The following DLEU7 variants were observed in gnomAD, a reference collection of about 807,000 sequenced individuals.
DLEU7 encodes leukemia-associated protein 7.
In DLEU7, 17 loss-of-function variants were observed where a neutral mutation model predicts 16.0. The observed-to-expected ratio is 1.06, with a 90% CI of 0.73 to 1.59. The LOEUF (loss-of-function observed/expected upper bound fraction) is 1.59, where lower values mean the gene tolerates loss of function less well. Ranked by LOEUF, DLEU7 falls within the 40% of genes most tolerant of loss-of-function variation. DLEU7 has a pLI of 0.00. For synonymous variants in DLEU7, 113 were observed against 139.8 expected (o/e 0.81, Z 1.35); for missense variants, 308 against 314.9 (o/e 0.98, Z 0.17).
chr13:50,785,203 G>A (rs1289991679), intron 1 of DLEU7, among the ~76,000 whole-genome samples: 1 of 152,120 alleles, frequency 6.6e-6, no homozygotes, highest in Non-Finnish European at 1.5e-5. Flanking sequence ...GGGCACCTGG[G>A]GTTGGGACAA....
At chr13:50,770,727 A>G (rs1875277391) in intron 1 of DLEU7, among the ~76,000 whole-genome samples, 1 of 152,100 alleles carries the variant, frequency 6.6e-6, no homozygotes, top group Admixed American at 6.5e-5. Flanking sequence ...ATTGGTCTAA[A>G]ATTCTCTTTT....
At chr13:50,759,252 C>G (rs1312691715) in intron 1 of DLEU7, among the ~76,000 whole-genome samples, 15 of 152,150 alleles carry the variant, frequency 9.9e-5, no homozygotes, top group Admixed American at 9.8e-4. Flanking sequence ...AAGAAACAAA[C>G]ACAAAAATAT....
intron 1 of DLEU7, among the ~76,000 whole-genome samples, chr13:50,728,217 GA>G (rs1873820164): frequency 6.6e-6 from 1 of 152,146 alleles, no homozygotes; most frequent in South Asian, 2.1e-4. Flanking sequence ...TCGGGGGTGG[GA>G]ATGGGTGTCT....
chr13:50,750,194 C>A (rs920547351), intron 1 of DLEU7, among the ~76,000 whole-genome samples: 3 of 152,126 alleles, frequency 2.0e-5, no homozygotes, highest in Non-Finnish European at 1.5e-5. Context: ...AAAAGAGTAT[C>A]TTTTCCCCAT....
At chr13:50,764,391 T>G (rs1875036653) in intron 1 of DLEU7, among the ~76,000 whole-genome samples, 1 of 152,248 alleles carries the variant, frequency 6.6e-6, no homozygotes, top group African/African-American at 2.4e-5. Context: ...TGAACTGGTC[T>G]GAAGTTTTGT....
chr13:50,753,778 C>A (rs1232106969), intron 1 of DLEU7, among the ~76,000 whole-genome samples: 1 of 152,240 alleles, frequency 6.6e-6, no homozygotes, highest in Non-Finnish European at 1.5e-5. Context: ...GGCTGAAAGG[C>A]TCCTCAAGTG....
intron 1 of DLEU7, among the ~76,000 whole-genome samples, chr13:50,812,372 G>A (rs1466545556): frequency 3.3e-5 from 5 of 152,124 alleles, no homozygotes; most frequent in Non-Finnish European, 5.9e-5. Context: ...TTTCGGGTTT[G>A]ACTGACATTC....
intron 1 of DLEU7, among the ~76,000 whole-genome samples, chr13:50,758,563 G>A (rs1269080677): frequency 6.6e-6 from 1 of 152,188 alleles, no homozygotes; most frequent in Non-Finnish European, 1.5e-5. Flanking sequence ...CTTAGGGCTG[G>A]GGCTGTGGGG....
chr13:50,713,092 G>A, exon 2 of DLEU7: 2 of 1,136,650 alleles, frequency 1.8e-6, no homozygotes, highest in East Asian at 2.6e-5. Context: ...GGCAATGGAG[G>A]CCAACAACGT....
At chr13:50,795,865 C>T in intron 1 of DLEU7, among the ~76,000 whole-genome samples, 1 of 152,010 alleles carries the variant, frequency 6.6e-6, no homozygotes, top group South Asian at 2.1e-4. Context: ...TTTTTCTATC[C>T]TTGTGGTTTA....
intron 1 of DLEU7, among the ~76,000 whole-genome samples, chr13:50,769,308 T>G (rs540855154): frequency 2.0e-5 from 3 of 152,302 alleles, no homozygotes; most frequent in African/African-American, 7.2e-5. Context: ...CCTATTTGTC[T>G]ATTTTAGCTT....
At chr13:50,765,876 G>A (rs1473473456) in intron 1 of DLEU7, among the ~76,000 whole-genome samples, 4 of 152,186 alleles carry the variant, frequency 2.6e-5, no homozygotes, top group Admixed American at 6.5e-5. Flanking sequence ...CTTGCATTGC[G>A]TGGATTATTT....
At chr13:50,770,439 A>G (rs1175818019) in intron 1 of DLEU7, among the ~76,000 whole-genome samples, 1 of 152,192 alleles carries the variant, frequency 6.6e-6, no homozygotes, top group East Asian at 1.9e-4. Flanking sequence ...ACTTTGAGAT[A>G]TGTTCCATCA....
intron 1 of DLEU7, among the ~76,000 whole-genome samples, chr13:50,738,471 A>G (rs1874148636): frequency 6.6e-6 from 1 of 152,146 alleles, no homozygotes; most frequent in Non-Finnish European, 1.5e-5. Context: ...TAAATTCTCA[A>G]TGGCAATGCA....
chr13:50,814,570 A>G (rs1433831320), intron 1 of DLEU7, among the ~76,000 whole-genome samples: 1 of 151,634 alleles, frequency 6.6e-6, no homozygotes, highest in Non-Finnish European at 1.5e-5. Context: ...CAAAGAAACA[A>G]AAAGAACATA....
At chr13:50,828,480 G>A (rs1409166978) in intron 1 of DLEU7, among the ~76,000 whole-genome samples, 1 of 152,062 alleles carries the variant, frequency 6.6e-6, no homozygotes, top group Non-Finnish European at 1.5e-5. Flanking sequence ...ACAAATTTGT[G>A]GGATGTAGCC....
intron 1 of DLEU7, among the ~76,000 whole-genome samples, chr13:50,746,666 C>T (rs556325436): frequency 6.6e-6 from 1 of 152,220 alleles, no homozygotes; most frequent in South Asian, 2.1e-4. Flanking sequence ...TCTATTTCAG[C>T]CCCATGAATT....
intron 1 of DLEU7, among the ~76,000 whole-genome samples, chr13:50,814,525 C>T (rs1876664313): frequency 1.3e-5 from 2 of 151,318 alleles, no homozygotes; most frequent in Admixed American, 1.3e-4. Context: ...AGTTACAATC[C>T]AATTGTAAGT....
At chr13:50,711,443 T>C (rs1355433606), downstream of DLEU7, 2 of 152,312 alleles carry the variant, frequency 1.3e-5, no homozygotes, top group South Asian at 2.1e-4. Flanking sequence ...ATTTTAACCA[T>C]TATTCTGAAA....
Sources: allele counts gnomAD v4.1 joint callset (sites outside exome capture counted in the v4.1 genomes callset), GRCh38; gene constraint gnomAD v4.1.1; transcripts MANE v1.5; gene names NCBI Gene and HGNC (gene_info 2026-07-23, HGNC 2026-07-21).